Variants in PCNT observed in about 807,000 individuals in gnomAD.
PCNT encodes the protein pericentrin.
PCNT carries 319 observed loss-of-function variants against 380.4 expected under a neutral mutation model. That is an observed-to-expected ratio of 0.84 (90% confidence interval 0.77 to 0.92). The LOEUF is 0.92. Among genes scored for constraint, PCNT ranks in the 40% least tolerant of loss-of-function variants. The probability of loss-of-function intolerance (pLI) is 0.00; values close to 1 mark genes in which losing one functional copy is unlikely to be tolerated. For synonymous variants in PCNT, 1,845 were observed against 1,735.2 expected (o/e 1.06, Z -1.57); for missense variants, 4,400 against 4,255.3 (o/e 1.03, Z -0.95).
chr21:46,396,025 C>T (rs2086198152), intron 21 of PCNT, among the ~76,000 whole-genome samples: 1 of 148,762 alleles, frequency 6.7e-6, no homozygotes, highest in Admixed American at 6.7e-5. Flanking sequence ...GCAGCAGAGA[C>T]TCCATCTCGG....
Position 46,334,752 on chromosome 21 carries a change from G to A in PCNT, c.623G>A (p.Arg208His), listed in dbSNP as rs142318247. Residue 208 changes from arginine to histidine, a missense_variant, in exon 3 of 47, where the codon CGT becomes CAT. Arg to His is a conservative substitution (Grantham distance 29, BLOSUM62 0). Coordinates refer to ENST00000359568, the MANE Select transcript of PCNT (RefSeq NM_006031.6). ...ATCAGTGACCACCCAGCAGAACAGC[G>A]TGGGATGTTCACAAAGGTATTCTTT... Reference protein sequence around the residue: ...FTISDHPAEQRGMFTKECEQE... With the variant: ...FTISDHPAEQHGMFTKECEQE... 458 of 1,614,214 alleles carry A rather than the reference G, an allele frequency of 2.8e-4. 1 individual carries two copies. Among genetic ancestry groups the A allele is most frequent in the African/African-American group, 1.3e-3 (97 of 75,074 alleles).
In PCNT at chr21:46,432,064, A is replaced by C. The variant is rs2087787571; in HGVS notation, c.8600A>C (p.Lys2867Thr). Residue 2867 changes from lysine to threonine, a missense_variant, in exon 38 of 47, where the codon AAA (lysine) becomes ACA (threonine). Coordinates refer to ENST00000359568, the MANE Select transcript of PCNT (RefSeq NM_006031.6). ...LRCSLEREREKPAWLQAELEQ... is the reference protein window; with the variant it reads ...LRCSLERERETPAWLQAELEQ... ...TGCTCTCTGGAGAGAGAGAGGGAGA[A>C]ACCAGCGTGGTTGCAGGCAGAATTA... The C allele has an allele frequency of 1.9e-6, 3 of 1,614,038 alleles. No homozygotes were observed. The African/African-American group carries it at 4.0e-5, about 22-fold the overall frequency.
At chr21:46,384,499 T>C (rs368466818) in intron 16 of PCNT, among the ~76,000 whole-genome samples, 5 of 147,876 alleles carry the variant, frequency 3.4e-5, no homozygotes, top group African/African-American at 9.9e-5. Flanking sequence ...CACGGTGTTG[T>C]ACATTCAGTG....
rs1234623910 is a variant in PCNT at position 46,388,512 on chromosome 21, A to G, written c.3465-230A>G. ...ACACATCAGAAATGGCATCAGGAAG[A>G]CCTCACCTAGGAAAGCCCGTGTCCC... is the stretch of plus-strand genomic sequence containing the variant. On this transcript the variant is annotated intron_variant, in intron 17 of 46. Coordinates refer to ENST00000359568, the MANE Select transcript of PCNT (RefSeq NM_006031.6). This position sits in a 1 kb window ranked among gnomAD's most constrained non-coding sequence, Gnocchi z 4.2. 6.6e-6 allele frequency among the ~76,000 whole-genome samples: 1 copy of G among 152,192 alleles called. No homozygotes were observed. The highest frequency in any genetic ancestry group is 1.5e-5 in the Non-Finnish European group (1 of 68,018).
intron 30 of PCNT, among the ~76,000 whole-genome samples, chr21:46,417,048 G>A (rs2087054269): frequency 6.6e-6 from 1 of 152,158 alleles, no homozygotes; most frequent in African/African-American, 2.4e-5. Flanking sequence ...GCATTTGCCT[G>A]CCTCAGACAT....
Position 46,326,396 on chromosome 21 carries a change from G to A in PCNT, c.74G>A (p.Arg25Lys). ...GCGCAGCTTGCTCACTTCCGACAGA[G>A]AAAAACAAAAGGTGACAGTTCGCAT... ...GRTKLAHFRQRKTKGDSSHSE... is the reference protein window; with the variant it reads ...GRTKLAHFRQKKTKGDSSHSE... The change falls in exon 2 of 47, where the codon AGA (arginine) becomes AAA (lysine). Residue 25 changes from arginine to lysine, a missense_variant. Physicochemically the swap from Arg to Lys is conservative, Grantham distance 26. Coordinates refer to ENST00000359568, the MANE Select transcript of PCNT (RefSeq NM_006031.6). The A allele has an allele frequency of 6.2e-7, 1 of 1,614,188 alleles. No individual in the cohort carries two copies. The highest frequency in any genetic ancestry group is 2.2e-5 in the East Asian group (1 of 44,886).
chr21:46,348,089 G>A (rs1569179613), intron 6 of PCNT: 1 of 186,566 alleles, frequency 5.4e-6, no homozygotes, highest in South Asian at 1.1e-4. Flanking sequence ...TCCAGGCTTG[G>A]GGTTGTGTTC....
intron 14 of PCNT, 83 bp downstream of exon 14, chr21:46,364,017 G>A (rs1431766597): frequency 1.6e-6 from 2 of 1,266,852 alleles, no homozygotes; most frequent in Non-Finnish European, 1.1e-6. Flanking sequence ...CCTGGGAGGA[G>A]GCGCTGTGGG....
intron 24 of PCNT, among the ~76,000 whole-genome samples, chr21:46,398,665 A>G (rs553917303): frequency 2.1e-4 from 32 of 152,180 alleles, no homozygotes; most frequent in African/African-American, 7.5e-4. Context: ...CTAAAACTTT[A>G]CCATCTTCCT....
chr21:46,420,361 T>G (rs956469319), intron 31 of PCNT, among the ~76,000 whole-genome samples: 1 of 152,270 alleles, frequency 6.6e-6, no homozygotes, highest in African/African-American at 2.4e-5. Context: ...GAGGTTTTCT[T>G]TAGAACTTTA....
chr21:46,325,286 G>C (rs1170367279), intron 1 of PCNT: 17 of 833,076 alleles, frequency 2.0e-5, no homozygotes, highest in Non-Finnish European at 2.5e-5. Context: ...CGGCGGACAG[G>C]GGACGCGGGG....
intron 7 of PCNT, among the ~76,000 whole-genome samples, chr21:46,349,414 G>A (rs1422444670): frequency 1.3e-5 from 2 of 152,180 alleles, no homozygotes; most frequent in Non-Finnish European, 2.9e-5. Context: ...GGCATGTTCA[G>A]TTGCTAAATT....
chr21:46,431,476 A>G (rs2087759513), intron 37 of PCNT, 53 bp from the exon 38 acceptor site: 2 of 1,613,312 alleles, frequency 1.2e-6, no homozygotes, highest in East Asian at 4.5e-5. Context: ...AAAACCATGT[A>G]GACACTTTTC....
At chr21:46,409,217 C>G (rs1197598068) in intron 27 of PCNT, among the ~76,000 whole-genome samples, 1 of 122,920 alleles carries the variant, frequency 8.1e-6, no homozygotes, top group African/African-American at 3.0e-5. Context: ...TTGACAGAGT[C>G]TCTCTCTGTT....
chr21:46,393,146 C>G (rs1174818448), intron 21 of PCNT, among the ~76,000 whole-genome samples: 1 of 152,194 alleles, frequency 6.6e-6, no homozygotes, highest in Non-Finnish European at 1.5e-5. Flanking sequence ...AGCCCTGTTG[C>G]CCCCGCACTC....
chr21:46,441,121 C>T, intron 43 of PCNT, 37 bp downstream of exon 43: 1 of 1,303,662 alleles, frequency 7.7e-7, no homozygotes. Context: ...CGTTCCGCGT[C>T]TGTCTCCGTG....
chr21:46,440,750 A>G, intron 42 of PCNT, 105 bp from the exon 43 acceptor site: 1 of 791,668 alleles, frequency 1.3e-6, no homozygotes, highest in Non-Finnish European at 2.2e-6. Flanking sequence ...TTTGATGGGA[A>G]AAAACAATCT....
At position 46,326,454 on chromosome 21, in the gene PCNT, G is replaced by C. The variant is rs201207581; in HGVS notation, c.132G>C (p.Ser44=). The C allele has an allele frequency of 2.0e-5, 33 of 1,614,104 alleles. No individual in the cohort carries two copies. Among genetic ancestry groups the C allele is most frequent in the Non-Finnish European group, 2.7e-5 (32 of 1,180,052 alleles). ...AAAAGACGGCGAAGAGGAAGGGCTCGGCTGTCGATGCGTCTGTCCAGGAGG... is the reference window on the plus strand; with the variant it reads ...AAAAGACGGCGAAGAGGAAGGGCTCCGCTGTCGATGCGTCTGTCCAGGAGG... ...SEKKTAKRKG[S]AVDASVQEES... is the part of the protein sequence containing the mutation. Residue 44 remains serine (S), a synonymous_variant, in exon 2 of 47, where the codon TCG becomes TCC. Coordinates refer to ENST00000359568, the MANE Select transcript of PCNT (RefSeq NM_006031.6).
chr21:46,365,711 T>G (rs894943644), intron 14 of PCNT, among the ~76,000 whole-genome samples: 29 of 148,220 alleles, frequency 2.0e-4, no homozygotes, highest in Admixed American at 1.9e-3. Flanking sequence ...TGTGGGGTTC[T>G]GTTCACTGCT....
Sources: gnomAD v4.1 joint callset for allele counts (sites outside exome capture counted in the v4.1 genomes callset) on GRCh38, gnomAD v4.1.1 for gene constraint, Gnocchi (gnomAD v3.1) non-coding constraint, MANE v1.5 for transcripts, NCBI Gene and HGNC (gene_info 2026-07-23, HGNC 2026-07-21) for gene names.